CTNND2: variants seen among roughly 807,000 people sequenced by gnomAD.
CTNND2 encodes catenin delta 2.
A neutral mutation model predicts 144.4 loss-of-function variants in CTNND2; 22 were observed. That is an observed-to-expected ratio of 0.15 (90% CI 0.11 to 0.22). CTNND2 has a LOEUF of 0.22. CTNND2 is among the 10% of genes least tolerant of loss of function. The probability of loss-of-function intolerance (pLI) is 1.00; values close to 1 mark genes in which losing one functional copy is unlikely to be tolerated. For missense variants in CTNND2, 1,353 were observed against 1,618.8 expected (o/e 0.84, Z 2.82); for synonymous variants, 751 against 695.6 (o/e 1.08, Z -1.25).
chr5:11,074,116 G>A (rs1159621488), intron 16 of CTNND2, among the ~76,000 whole-genome samples: 1 of 152,116 alleles, frequency 6.6e-6, no homozygotes, highest in Non-Finnish European at 1.5e-5. Context: ...GGTGGGATTC[G>A]TCAGGGCCAA....
In CTNND2 at chr5:10,992,595, G is replaced by A. The variant is rs774846850; in HGVS notation, c.3167C>T (p.Thr1056Met). 4 of 1,614,016 alleles carry A rather than the reference G, an allele frequency of 2.5e-6. No individual in the cohort carries two copies. Among genetic ancestry groups the A allele is most frequent in the Non-Finnish European group, 3.4e-6 (4 of 1,180,046 alleles). Reference protein sequence around the residue: ...DRQRPYSSSRTPSISPVRVSP... With the variant: ...DRQRPYSSSRMPSISPVRVSP... Reference sequence around the variant, plus strand: ...CACGCGCACAGGGGAGATGGAGGGCGTGCGGGAGGAGGAGTAGGGCCTTTG... The same window carrying A: ...CACGCGCACAGGGGAGATGGAGGGCATGCGGGAGGAGGAGTAGGGCCTTTG... Residue 1056 changes from threonine to methionine, a missense_variant, in exon 19 of 22, where the codon ACG becomes ATG. Thr to Met is a moderately conservative substitution (Grantham distance 81). This residue lies in a region of CTNND2 where 459 missense variants were observed against 674.3 expected (regional missense o/e 0.68). Transcript: ENST00000304623.
At chr5:11,799,907 T>C (rs749603477) in intron 1 of CTNND2, among the ~76,000 whole-genome samples, 21 of 152,288 alleles carry the variant, frequency 1.4e-4, no homozygotes, top group Non-Finnish European at 1.9e-4. Flanking sequence ...AAACACTCCA[T>C]GCATTTTCTA....
At chr5:11,818,075 T>G (rs1279277941) in intron 1 of CTNND2, among the ~76,000 whole-genome samples, 1 of 143,200 alleles carries the variant, frequency 7.0e-6, no homozygotes, top group Non-Finnish European at 1.5e-5. Context: ...GACGTTCATT[T>G]GGTAGGTTCT....
At chr5:11,642,892 TC>T (rs1185489174) in intron 2 of CTNND2, among the ~76,000 whole-genome samples, 1 of 152,220 alleles carries the variant, frequency 6.6e-6, no homozygotes, top group Non-Finnish European at 1.5e-5. Context: ...ATATGGAACT[TC>T]CTGCTATGTG....
intron 9 of CTNND2, among the ~76,000 whole-genome samples, chr5:11,318,174 A>C (rs954666155): frequency 1.7e-4 from 26 of 152,050 alleles, no homozygotes; most frequent in Non-Finnish European, 2.9e-4. Flanking sequence ...CAGTACACGG[A>C]ACCACCACCT....
chr5:11,284,938 G>T (rs886681968), intron 9 of CTNND2, among the ~76,000 whole-genome samples: 1 of 152,154 alleles, frequency 6.6e-6, no homozygotes, highest in Non-Finnish European at 1.5e-5. Flanking sequence ...TGTCACAGGG[G>T]TCTGGTGGCC....
chr5:11,125,307 G>A (rs1754569799), intron 12 of CTNND2, among the ~76,000 whole-genome samples: 1 of 152,176 alleles, frequency 6.6e-6, no homozygotes, highest in Non-Finnish European at 1.5e-5. Flanking sequence ...ATTCTTCCAC[G>A]AGGGCTCATC....
intron 3 of CTNND2, among the ~76,000 whole-genome samples, chr5:11,530,884 A>T (rs573378739): frequency 6.6e-6 from 1 of 152,296 alleles, no homozygotes; most frequent in East Asian, 1.9e-4. Flanking sequence ...CTGATTATCC[A>T]AGCCTACAGT....
intron 3 of CTNND2, among the ~76,000 whole-genome samples, chr5:11,448,747 C>A (rs1387533546): frequency 6.6e-6 from 1 of 152,170 alleles, no homozygotes; most frequent in African/African-American, 2.4e-5. Flanking sequence ...CAGCTCACTG[C>A]AACCTCTGAC....
At chr5:11,365,212 G>T (rs986537915) in intron 7 of CTNND2, among the ~76,000 whole-genome samples, 2 of 152,216 alleles carry the variant, frequency 1.3e-5, no homozygotes, top group African/African-American at 4.8e-5. Flanking sequence ...GAATCAGGTA[G>T]ATAGTCAGTC....
intron 3 of CTNND2, among the ~76,000 whole-genome samples, chr5:11,420,648 C>T (rs1403465805): frequency 6.6e-6 from 1 of 152,194 alleles, no homozygotes; most frequent in African/African-American, 2.4e-5. Flanking sequence ...CGAATAACTC[C>T]ACTCTCCGCA....
At chr5:11,736,012 T>A (rs1247697771) in intron 1 of CTNND2, among the ~76,000 whole-genome samples, 1 of 152,192 alleles carries the variant, frequency 6.6e-6, no homozygotes, top group Non-Finnish European at 1.5e-5. Flanking sequence ...AGTATTCTTA[T>A]CAACATATTT....
intron 5 of CTNND2, among the ~76,000 whole-genome samples, chr5:11,397,888 C>T (rs868420692): frequency 3.3e-5 from 5 of 152,174 alleles, no homozygotes; most frequent in African/African-American, 7.2e-5. Context: ...TCTGGTCTTA[C>T]TTAATTATAC....
chr5:11,102,288 C>G (rs1165021420), intron 14 of CTNND2, among the ~76,000 whole-genome samples: 2 of 152,096 alleles, frequency 1.3e-5, no homozygotes, highest in African/African-American at 4.8e-5. Flanking sequence ...GAAAACAGAC[C>G]AAAGGATATA....
intron 6 of CTNND2, among the ~76,000 whole-genome samples, chr5:11,389,999 C>T (rs948828225): frequency 5.9e-5 from 9 of 152,194 alleles, no homozygotes; most frequent in South Asian, 2.1e-4. Flanking sequence ...ATTATGGATA[C>T]GCAAGTATTC....
At chr5:11,340,925 T>A (rs1328598080) in intron 9 of CTNND2, among the ~76,000 whole-genome samples, 1 of 152,256 alleles carries the variant, frequency 6.6e-6, no homozygotes. Flanking sequence ...AGCATGGAAC[T>A]TAATAATTAA....
intron 2 of CTNND2, among the ~76,000 whole-genome samples, chr5:11,710,178 A>T (rs1581755769): frequency 1.3e-5 from 2 of 152,304 alleles, no homozygotes; most frequent in East Asian, 3.9e-4. Flanking sequence ...TAAGGAGCCA[A>T]GAACCATTTA....
chr5:11,542,518 C>A (rs1581452109), intron 3 of CTNND2, among the ~76,000 whole-genome samples: 1 of 152,178 alleles, frequency 6.6e-6, no homozygotes, highest in African/African-American at 2.4e-5. Flanking sequence ...CTTCCATTTA[C>A]ATACTGCTTT....
At chr5:11,439,872 T>C (rs1764117633) in intron 3 of CTNND2, among the ~76,000 whole-genome samples, 4 of 152,004 alleles carry the variant, frequency 2.6e-5, no homozygotes, top group Admixed American at 2.6e-4. Context: ...GGTCTTGTTA[T>C]GTTGCTCAGT....
Sources: allele counts gnomAD v4.1 joint callset (sites outside exome capture counted in the v4.1 genomes callset), GRCh38; gene constraint gnomAD v4.1.1; regional missense constraint gnomAD v4.1.1; transcripts MANE v1.5; gene names NCBI Gene and HGNC (gene_info 2026-07-23, HGNC 2026-07-21).